FOXP2: variants seen among roughly 807,000 people sequenced by gnomAD.
FOXP2 encodes forkhead box protein P2.
A neutral mutation model predicts 115.8 loss-of-function variants in FOXP2; 12 were observed. The ratio of observed to expected loss-of-function variants is 0.10; its 90% CI spans 0.07 to 0.17. FOXP2 has a LOEUF of 0.17. FOXP2 is among the 10% of genes least tolerant of loss of function. The probability of loss-of-function intolerance (pLI) is 1.00; values close to 1 mark genes in which losing one functional copy is unlikely to be tolerated. For missense variants in FOXP2, 629 were observed against 843.5 expected, an observed-to-expected ratio of 0.75 and a Z score of 3.15; for synonymous variants, 328 against 297.7, an observed-to-expected ratio of 1.10 and a Z score of -1.05.
intron 3 of FOXP2, among the ~76,000 whole-genome samples, chr7:114,549,554 A>T (rs1800098703): frequency 6.6e-6 from 1 of 152,182 alleles, no homozygotes; most frequent in Non-Finnish European, 1.5e-5. Flanking sequence ...AACCAGGATT[A>T]TTCTTGGACA....
intron 1 of FOXP2, among the ~76,000 whole-genome samples, chr7:114,201,229 G>T (rs76062214): frequency 6.6e-6 from 1 of 152,106 alleles, no homozygotes; most frequent in East Asian, 1.9e-4. Flanking sequence ...CCAACACTTT[G>T]GAAAGCCAAC....
intron 1 of FOXP2, among the ~76,000 whole-genome samples, chr7:114,123,748 A>G (rs1791628948): frequency 6.6e-6 from 1 of 152,146 alleles, no homozygotes; most frequent in African/African-American, 2.4e-5. Context: ...TAATATAAAA[A>G]TTTGGTGAAG....
intron 2 of FOXP2, among the ~76,000 whole-genome samples, chr7:114,459,125 G>A (rs557366635): frequency 1.1e-4 from 17 of 152,148 alleles, no homozygotes; most frequent in Admixed American, 2.0e-4. Context: ...GCTACCTAGC[G>A]GGAAGGAAAA....
At chr7:114,551,742 A>T (rs1192272544) in intron 3 of FOXP2, among the ~76,000 whole-genome samples, 1 of 152,194 alleles carries the variant, frequency 6.6e-6, no homozygotes, top group African/African-American at 2.4e-5. Flanking sequence ...ATTTTTTTAC[A>T]TTAAAAAGAT....
At chr7:114,569,126 A>G (rs957390434) in intron 3 of FOXP2, among the ~76,000 whole-genome samples, 12 of 151,822 alleles carry the variant, frequency 7.9e-5, no homozygotes, top group Non-Finnish European at 1.5e-4. Flanking sequence ...TAGTGTTAGT[A>G]TGGTTTATTG....
intron 3 of FOXP2, among the ~76,000 whole-genome samples, chr7:114,593,899 A>G (rs1802564510): frequency 6.6e-6 from 1 of 152,072 alleles, no homozygotes; most frequent in African/African-American, 2.4e-5. Flanking sequence ...TGATTGAACC[A>G]TTAAATATTG....
At chr7:114,489,082 G>A (rs10249234) in intron 2 of FOXP2, among the ~76,000 whole-genome samples, 96,479 of 151,934 alleles carry the variant, frequency 0.64, 31,677 homozygotes, top group African/African-American at 0.8. Context: ...CACTTTCTAA[G>A]TGATAATCGA....
intron 1 of FOXP2, among the ~76,000 whole-genome samples, chr7:114,271,011 T>A (rs1584596154): frequency 6.6e-6 from 1 of 152,004 alleles, no homozygotes; most frequent in Non-Finnish European, 1.5e-5. Flanking sequence ...TAGCACCACA[T>A]GTTGAAAAGA....
chr7:114,502,689 C>A (rs1797621397), intron 2 of FOXP2, among the ~76,000 whole-genome samples: 1 of 151,936 alleles, frequency 6.6e-6, no homozygotes, highest in African/African-American at 2.4e-5. Context: ...TCAAAAAGTG[C>A]AAGGTTACAC....
At chr7:114,344,751 C>A (rs1562879760) in intron 2 of FOXP2, among the ~76,000 whole-genome samples, 1 of 151,724 alleles carries the variant, frequency 6.6e-6, no homozygotes, top group Non-Finnish European at 1.5e-5. Flanking sequence ...GAACTAAATG[C>A]AAACTGTTTA....
At chr7:114,530,025 T>G (rs779367149) in intron 2 of FOXP2, among the ~76,000 whole-genome samples, 1 of 151,982 alleles carries the variant, frequency 6.6e-6, no homozygotes, top group Non-Finnish European at 1.5e-5. Context: ...AAGGTTAAAC[T>G]ATATGAATAT....
intron 2 of FOXP2, among the ~76,000 whole-genome samples, chr7:114,469,826 G>A (rs570924401): frequency 1.3e-4 from 20 of 152,246 alleles, no homozygotes; most frequent in African/African-American, 4.6e-4. Context: ...TAATTGTGAT[G>A]TGAAAAGTAT....
chr7:114,214,360 T>A (rs1446489839), intron 1 of FOXP2, among the ~76,000 whole-genome samples: 3 of 152,088 alleles, frequency 2.0e-5, no homozygotes, highest in African/African-American at 7.2e-5. Context: ...ACAGCAAAAG[T>A]AGAATTTACA....
At chr7:114,461,862 T>G (rs757648125) in intron 2 of FOXP2, among the ~76,000 whole-genome samples, 4 of 152,154 alleles carry the variant, frequency 2.6e-5, no homozygotes, top group Non-Finnish European at 5.9e-5. Context: ...TTAATCTTAT[T>G]TTTGCCAATT....
intron 5 of FOXP2, chr7:114,630,998 T>A (rs1804876149): frequency 1.3e-5 from 2 of 155,068 alleles, no homozygotes; most frequent in South Asian, 1.9e-4. Flanking sequence ...GCACTTTTTT[T>A]TAATTTTGCC....
At chr7:114,503,912 G>A (rs919705415) in intron 2 of FOXP2, among the ~76,000 whole-genome samples, 1 of 150,938 alleles carries the variant, frequency 6.6e-6, no homozygotes, top group African/African-American at 2.4e-5. Context: ...TACTTTTATT[G>A]ATTTGTAGAT....
At chr7:114,400,797 GCCATGGA>G (rs1262585586) in intron 2 of FOXP2, among the ~76,000 whole-genome samples, 6 of 152,204 alleles carry the variant, frequency 3.9e-5, no homozygotes, top group African/African-American at 1.4e-4. Flanking sequence ...TTCCTAACAG[GCCATGGA>G]CTGGTACTGG....
chr7:114,564,338 T>G (rs539556102), intron 3 of FOXP2, among the ~76,000 whole-genome samples: 87 of 152,298 alleles, frequency 5.7e-4, no homozygotes, highest in African/African-American at 2.0e-3. Context: ...CAAACTGTAC[T>G]TTTTACGTCT....
chr7:114,158,505 C>G (rs1442042007), upstream of FOXP2, among the ~76,000 whole-genome samples: 2 of 151,962 alleles, frequency 1.3e-5, no homozygotes, highest in Non-Finnish European at 2.9e-5. Flanking sequence ...TCCTACAAAG[C>G]AGTAATGGCA....
Sources: allele counts gnomAD v4.1 joint callset (sites outside exome capture counted in the v4.1 genomes callset), GRCh38; gene constraint gnomAD v4.1.1; transcripts MANE v1.5; gene names NCBI Gene and HGNC (gene_info 2026-07-23, HGNC 2026-07-21).